GTPBP3: variants seen among roughly 807,000 people sequenced by gnomAD.
GTPBP3 encodes 5-taurinomethyluridine-[tRNA] synthase subunit GTPB3, mitochondrial.
A neutral mutation model predicts 42.0 loss-of-function variants in GTPBP3; 35 were observed. The ratio of observed to expected loss-of-function variants is 0.83; its 90% CI spans 0.64 to 1.10. The LOEUF (loss-of-function observed/expected upper bound fraction) is 1.10, where lower values mean the gene tolerates loss of function less well. Ranked by LOEUF, GTPBP3 falls within the 50% of genes least tolerant of loss-of-function variation. The probability of loss-of-function intolerance (pLI) is 0.00; values close to 1 mark genes in which losing one functional copy is unlikely to be tolerated. For synonymous variants in GTPBP3, 332 were observed against 314.9 expected (o/e 1.05, Z -0.58); for missense variants, 691 against 685.2 (o/e 1.01, Z -0.09).
In GTPBP3 at chr19:17,341,810, T is replaced by C; in HGVS notation, c.*107T>C. 1.0e-6 allele frequency: 1 copy of C among 986,498 alleles called. No homozygotes were observed. The highest frequency in any genetic ancestry group is 2.7e-5 in the Admixed American group (1 of 36,768). 61.1% of individuals were successfully genotyped at this position (986,498 alleles called of 1,614,324 possible). A position where few individuals can be genotyped will look rare whatever the true frequency, so the allele number is the denominator to read the frequency against. On this transcript the variant is annotated 3_prime_UTR_variant, in exon 9 of 9. Coordinates refer to ENST00000324894, the MANE Select transcript of GTPBP3 (RefSeq NM_032620.4). Reference sequence around the variant, plus strand: ...ATTCTCATTCGCCTGGGAAAGAACTTGATTCTCAAATAGTGAAGCAACACA... The same window carrying C: ...ATTCTCATTCGCCTGGGAAAGAACTCGATTCTCAAATAGTGAAGCAACACA...
At position 17,341,337 on chromosome 19, in the gene GTPBP3, A is replaced by G. The variant is rs375380416; in HGVS notation, c.1253+15A>G. On this transcript the variant is annotated intron_variant, in intron 8 of 8. Transcript: ENST00000324894. Reference sequence around the variant, plus strand: ...CTAGCTGCAGTGTGAGCCCCCTCCCACTCCCAGCCTCCCCTGACCCACAGT... The same window carrying G: ...CTAGCTGCAGTGTGAGCCCCCTCCCGCTCCCAGCCTCCCCTGACCCACAGT... 15 of 1,573,572 alleles carry G rather than the reference A, an allele frequency of 9.5e-6. No homozygotes were observed. The highest frequency in any genetic ancestry group is 1.3e-5 in the Non-Finnish European group (15 of 1,161,180).
chr19:17,341,690 G>A lies in GTPBP3; in HGVS notation c.1466G>A (p.Cys489Tyr), dbSNP rs2074434774. The part of the protein sequence containing the change: ...EILDIIFQDF[C>Y]VGK Reference sequence around the variant, plus strand: ...CTGGACATCATCTTCCAGGACTTCTGTGTGGGCAAGTGACGGGATCCAGGG... The same window carrying A: ...CTGGACATCATCTTCCAGGACTTCTATGTGGGCAAGTGACGGGATCCAGGG... The change falls in exon 9 of 9, where the codon TGT (cysteine) becomes TAT (tyrosine). Residue 489 changes from cysteine (C) to tyrosine (Y), a missense_variant. By Grantham distance (194) the Cys-to-Tyr change is radical. Coordinates refer to ENST00000324894, the MANE Select transcript of GTPBP3 (RefSeq NM_032620.4). 1.9e-6 allele frequency: 3 copies of A among 1,578,910 alleles called. No homozygotes were observed. In the Admixed American group the frequency reaches 5.3e-5, roughly 28 times the overall value.
At chr19:17,341,380 A>G (rs1002846176) in intron 8 of GTPBP3, 58 bp downstream of exon 8, 6 of 1,552,564 alleles carry the variant, frequency 3.9e-6, no homozygotes, top group African/African-American at 1.4e-5. Context: ...TGGGTCCCTC[A>G]ACTTCAATTT....
Position 17,342,156 on chromosome 19 carries a change from T to G in GTPBP3, c.*453T>G, listed in dbSNP as rs1157429546. 7.1e-6 allele frequency: 1 copy of G among 141,652 alleles called. No individual in the cohort carries two copies. Among genetic ancestry groups the G allele is most frequent in the Non-Finnish European group, 1.5e-5 (1 of 66,274 alleles). 8.8% of individuals were successfully genotyped at this position (141,652 alleles called of 1,614,324 possible). A position where few individuals can be genotyped will look rare whatever the true frequency, so the allele number is the denominator to read the frequency against. On this transcript the variant is annotated 3_prime_UTR_variant, in exon 9 of 9. Transcript: ENST00000324894. ...CCTCTGTCTATTGCCCAGGCTGGAG[T>G]GCAGTGGTGCGACCTTGGCTCACTG...
intron 4 of GTPBP3, 92 bp downstream of exon 4, chr19:17,338,833 G>T (rs2074396408): frequency 3.3e-6 from 5 of 1,533,340 alleles, no homozygotes; most frequent in Non-Finnish European, 4.4e-6. Flanking sequence ...TTCATTCCCT[G>T]CGTGAAAGCT....
Position 17,338,207 on chromosome 19 carries a change from C to T in GTPBP3, c.253C>T (p.Pro85Ser), listed in dbSNP as rs1157815118. 6 of 1,583,878 alleles carry T rather than the reference C, an allele frequency of 3.8e-6. No individual in the cohort carries two copies. The highest frequency in any genetic ancestry group is 5.1e-6 in the Non-Finnish European group (6 of 1,171,314). ...RHASLRLLSD[P>S]RSGEPLDRAL... ...CGCCAGCCTGCGCCTGCTCAGCGAT[C>T]CCCGCTCCGGGGAGCCTCTGGACCG... is the stretch of plus-strand genomic sequence containing the variant. The change falls in exon 2 of 9, where the codon CCC becomes TCC. Residue 85 changes from proline (P) to serine (S), a missense_variant. Pro to Ser is a moderately conservative substitution (Grantham distance 74). Coordinates refer to ENST00000324894, the MANE Select transcript of GTPBP3 (RefSeq NM_032620.4).
chr19:17,339,593 G>GTGGAGCA lies in GTPBP3; in HGVS notation c.968_969insTGGAGCA (p.Glu324GlyfsTer9). On this transcript the variant is annotated frameshift_variant, in exon 7 of 9. Transcript: ENST00000324894. LOFTEE classifies it high-confidence loss of function. ...GAGCAGGAGGGCGTGCGGCGCGCCC[G>GTGGAGCA]GGAGAGGTGGGCGGACAGGGTGGTG... 1 of 1,602,760 alleles carries GTGGAGCA rather than the reference G, an allele frequency of 6.2e-7. No individual in the cohort carries two copies. The highest frequency in any genetic ancestry group is 8.5e-7 in the Non-Finnish European group (1 of 1,177,508).
upstream of GTPBP3, among the ~76,000 whole-genome samples, chr19:17,335,752 G>C (rs2074361402): frequency 6.6e-6 from 1 of 151,594 alleles, no homozygotes; most frequent in Non-Finnish European, 1.5e-5. Context: ...AGCCCAGCGA[G>C]GGTAGGAACG....
chr19:17,339,737 T>A, intron 7 of GTPBP3, 138 bp downstream of exon 7: 1 of 695,664 alleles, frequency 1.4e-6, no homozygotes, highest in Non-Finnish European at 2.1e-6. Context: ...GGGATTTGGT[T>A]CTTTTTTTTT....
chr19:17,336,410 G>A (rs1424447579), upstream of GTPBP3, among the ~76,000 whole-genome samples: 2 of 151,360 alleles, frequency 1.3e-5, no homozygotes, highest in African/African-American at 4.9e-5. Flanking sequence ...AGGCTGAGGC[G>A]GGCGGATCCC....
Position 17,337,655 on chromosome 19 carries a change from G to C in GTPBP3, c.44G>C (p.Gly15Ala), listed in dbSNP as rs375167528. 7.5e-7 allele frequency: 1 copy of C among 1,335,890 alleles called. No individual in the cohort carries two copies. The highest frequency in any genetic ancestry group is 1.5e-5 in the African/African-American group (1 of 64,938). The allele number at this position is 1,335,890 out of a possible 1,614,324, so 82.8% of individuals were successfully genotyped here. A position where few individuals can be genotyped will look rare whatever the true frequency, so the allele number is the denominator to read the frequency against. The change falls in exon 1 of 9, where the codon GGG becomes GCG. Residue 15 changes from glycine to alanine, a missense_variant. Transcript: ENST00000324894. ...ACCCTGGCGGCCCAAGCGGCACGTG[G>C]GCCTCGCAGGTGGGGCTACAGGGGA... ...LWTLAAQAAR[G>A]PRRLCTRRSS...
At chr19:17,335,035 G>A (rs545324349), upstream of GTPBP3, 8 of 1,535,966 alleles carry the variant, frequency 5.2e-6, no homozygotes, top group Admixed American at 1.2e-4. Flanking sequence ...CCCCACCCAT[G>A]CTTTCTTCTG....
At position 17,339,607 on chromosome 19, in the gene GTPBP3, G is replaced by T. The variant is rs749907946; in HGVS notation, c.974+8G>T. On this transcript the variant is annotated splice_region_variant and intron_variant, in intron 7 of 8. Transcript: ENST00000324894. Reference sequence around the variant, plus strand: ...GCGGCGCGCCCGGGAGAGGTGGGCGGACAGGGTGGTGATGGGAGGGGAACG... The same window carrying T: ...GCGGCGCGCCCGGGAGAGGTGGGCGTACAGGGTGGTGATGGGAGGGGAACG... 1.0e-5 allele frequency: 16 copies of T among 1,595,748 alleles called. No homozygotes were observed. The East Asian group carries it at 3.2e-4, about 32-fold the overall frequency.
chr19:17,337,454 T>G (rs539857893), upstream of GTPBP3: 69 of 1,237,016 alleles, frequency 5.6e-5, 1 homozygote, highest in African/African-American at 9.2e-4. Context: ...TGGAAGCGAG[T>G]ATCTTCAGAC....
chr19:17,338,909 G>A, intron 4 of GTPBP3, 45 bp from the exon 5 acceptor site: 1 of 1,554,162 alleles, frequency 6.4e-7, no homozygotes, highest in Non-Finnish European at 8.7e-7. Flanking sequence ...TGGGAAGGTG[G>A]GTTTCTGGGT....
At chr19:17,339,738 CTTT>C (rs34014252) in intron 7 of GTPBP3, 139 bp downstream of exon 7, 51,641 of 466,546 alleles carry the variant, frequency 0.11, 1 homozygote, top group South Asian at 0.13. Context: ...GGATTTGGTT[CTTT>C]TTTTTTTTTT....
At chr19:17,339,306 G>A in intron 6 of GTPBP3, 40 bp downstream of exon 6, 1 of 1,583,480 alleles carries the variant, frequency 6.3e-7, no homozygotes, top group Non-Finnish European at 8.6e-7. Context: ...CTAGTGCCAG[G>A]GGCGGGGCCA....
At chr19:17,337,412 C>T, upstream of GTPBP3, 1 of 1,128,656 alleles carries the variant, frequency 8.9e-7, no homozygotes, top group Middle Eastern at 3.2e-4. Context: ...TCCATACCGC[C>T]TCCCGCTCCC....
upstream of GTPBP3, among the ~76,000 whole-genome samples, chr19:17,336,005 C>A (rs996141032): frequency 6.6e-6 from 1 of 152,058 alleles, no homozygotes; most frequent in Non-Finnish European, 1.5e-5. Context: ...GAGGCCAAGG[C>A]GGGTAGATCA....
Sources: gnomAD v4.1 joint callset for allele counts (sites outside exome capture counted in the v4.1 genomes callset) on GRCh38, gnomAD v4.1.1 for gene constraint, MANE v1.5 for transcripts, NCBI Gene and HGNC (gene_info 2026-07-23, HGNC 2026-07-21) for gene names.